The following IFT88 variants were observed in gnomAD, a reference collection of about 807,000 sequenced individuals.
IFT88 encodes the protein intraflagellar transport 88, also known as intraflagellar transport protein 88 homolog.
A neutral mutation model predicts 119.5 loss-of-function variants in IFT88; 74 were observed. That is an observed-to-expected ratio of 0.62 (90% CI 0.51 to 0.75). IFT88 has a LOEUF of 0.75. IFT88 is among the 30% of genes least tolerant of loss of function. The pLI is 0.00. For missense variants in IFT88, 961 were observed against 977.7 expected, an observed-to-expected ratio of 0.98 and a Z score of 0.23; for synonymous variants, 279 against 316.7, an observed-to-expected ratio of 0.88 and a Z score of 1.26.
rs757330394 is a variant in IFT88, at chr13:20,641,273, TTTC to T, written c.1574-11_1574-9del. On this transcript the variant is annotated splice_polypyrimidine_tract_variant and intron_variant, in intron 17 of 25. Coordinates refer to ENST00000351808, the MANE Select transcript of IFT88 (RefSeq NM_006531.5). ...AATGATACTTATAGATTTTCTTTTT[TTTC>T]TTCTTTTTTTAAGGCCTTACCTATG... The T allele has an allele frequency of 2.5e-5, 37 of 1,463,674 alleles. No individual in the cohort carries two copies. The Middle Eastern group carries it at 1.4e-3, about 55-fold the overall frequency. The allele number at this position is 1,463,674 out of a possible 1,614,324, so 90.7% of individuals were successfully genotyped here. A position where few individuals can be genotyped will look rare whatever the true frequency, so the allele number is the denominator to read the frequency against.
At chr13:20,572,380 G>A (rs561422031) in intron 1 of IFT88, among the ~76,000 whole-genome samples, 59 of 152,044 alleles carry the variant, frequency 3.9e-4, no homozygotes, top group Admixed American at 1.9e-3. Context: ...CACCATGCCC[G>A]GCTAGTTTTT....
intron 16 of IFT88, among the ~76,000 whole-genome samples, chr13:20,632,512 T>G (rs914148350): frequency 6.6e-6 from 1 of 152,174 alleles, no homozygotes; most frequent in Non-Finnish European, 1.5e-5. Flanking sequence ...TTTGCTTACG[T>G]TTTGCTCAGA....
At chr13:20,578,691 A>G (rs2037957751) in intron 2 of IFT88, among the ~76,000 whole-genome samples, 2 of 152,150 alleles carry the variant, frequency 1.3e-5, no homozygotes, top group South Asian at 4.1e-4. Context: ...CTGGGATTAC[A>G]GGCATGTGCC....
At chr13:20,595,651 G>A (rs1332673895) in intron 7 of IFT88, among the ~76,000 whole-genome samples, 7 of 152,104 alleles carry the variant, frequency 4.6e-5, no homozygotes, top group Admixed American at 4.6e-4. Flanking sequence ...TGATGTAGTT[G>A]TTAAAAACAG....
Position 20,663,529 on chromosome 13 carries a change from T to C in IFT88, c.2100T>C (p.Asp700=). 4.3e-6 allele frequency: 7 copies of C among 1,613,998 alleles called. No individual in the cohort carries two copies. Among genetic ancestry groups the C allele is most frequent in the Non-Finnish European group, 5.9e-6 (7 of 1,179,972 alleles). Residue 700 remains aspartate (D), a synonymous_variant, in exon 23 of 26, where the codon GAT becomes GAC. Transcript: ENST00000351808. ...CLRFLVRLCT[D]LGLKDAQEYA... ...GTTTCTTAGTTCGTCTCTGCACAGA[T>C]CTTGGATTAAAAGATGCTCAAGAAT...
At position 20,606,524 on chromosome 13, in the gene IFT88, C is replaced by T. The variant is rs533344845; in HGVS notation, c.1112+1419C>T. Among the ~76,000 whole-genome samples the T allele has an allele frequency of 1.4e-4, 21 of 152,254 alleles. No homozygotes were observed. In the South Asian group the frequency reaches 2.9e-3, roughly 21 times the overall value. On this transcript the variant is annotated intron_variant, in intron 13 of 25. Transcript: ENST00000351808. ...TCTGCTGGAGTGGTATCCAGAAAGCCAGCTAAAACGATACTTAAAATCCAG... is the reference window on the plus strand; with the variant it reads ...TCTGCTGGAGTGGTATCCAGAAAGCTAGCTAAAACGATACTTAAAATCCAG...
chr13:20,656,983 C>G (rs1401960623), intron 22 of IFT88, among the ~76,000 whole-genome samples: 1 of 152,118 alleles, frequency 6.6e-6, no homozygotes, highest in African/African-American at 2.4e-5. Flanking sequence ...CTCAGCCTCC[C>G]TAGTAGCTGG....
intron 15 of IFT88, among the ~76,000 whole-genome samples, chr13:20,626,221 T>C (rs1028435683): frequency 6.6e-6 from 1 of 151,698 alleles, no homozygotes; most frequent in Non-Finnish European, 1.5e-5. Flanking sequence ...CCACCATGCC[T>C]GGATAATTTT....
intron 1 of IFT88, among the ~76,000 whole-genome samples, chr13:20,569,863 CTAAAAA>C (rs543159590): frequency 1.2e-3 from 184 of 151,274 alleles, no homozygotes; most frequent in Non-Finnish European, 2.0e-3. Flanking sequence ...CCCATCTCTA[CTAAAAA>C]TAAAAATAAA....
chr13:20,683,279 G>A (rs2141209961), intron 24 of IFT88, among the ~76,000 whole-genome samples: 1 of 152,260 alleles, frequency 6.6e-6, no homozygotes, highest in African/African-American at 2.4e-5. Flanking sequence ...CATCAAAAAT[G>A]ATCTAAACCC....
At chr13:20,685,562 A>G (rs1245566515) in intron 24 of IFT88, among the ~76,000 whole-genome samples, 1 of 152,224 alleles carries the variant, frequency 6.6e-6, no homozygotes, top group Non-Finnish European at 1.5e-5. Context: ...GGAAATATTC[A>G]TCAAGCCCTT....
chr13:20,648,197 A>T (rs1362862267), intron 20 of IFT88, among the ~76,000 whole-genome samples: 1 of 152,162 alleles, frequency 6.6e-6, no homozygotes, highest in South Asian at 2.1e-4. Flanking sequence ...GGAGTTCAAG[A>T]CCAGCCTGTC....
At chr13:20,664,802 G>C (rs1233654410) in intron 23 of IFT88, among the ~76,000 whole-genome samples, 1 of 152,160 alleles carries the variant, frequency 6.6e-6, no homozygotes. Flanking sequence ...AATAGAGACT[G>C]GGCACGGTGG....
chr13:20,684,939 A>G (rs2057737406), intron 24 of IFT88, among the ~76,000 whole-genome samples: 1 of 152,346 alleles, frequency 6.6e-6, no homozygotes, highest in African/African-American at 2.4e-5. Context: ...GGAGACCCTA[A>G]CCCAGCAGCA....
Position 20,591,040 on chromosome 13 carries a change from G to A in IFT88, c.264+20G>A, listed in dbSNP as rs1159117500. Reference sequence around the variant, plus strand: ...ATTCAGGTATCTCTATTGGATGCATGTTCATTTTGTGCCTTTCTTGTGACT... The same window carrying A: ...ATTCAGGTATCTCTATTGGATGCATATTCATTTTGTGCCTTTCTTGTGACT... On this transcript the variant is annotated intron_variant, in intron 5 of 25. Coordinates refer to ENST00000351808, the MANE Select transcript of IFT88 (RefSeq NM_006531.5). 2 of 1,573,982 alleles carry A rather than the reference G, an allele frequency of 1.3e-6. No homozygotes were observed. Among genetic ancestry groups the A allele is most frequent in the Admixed American group, 1.8e-5 (1 of 56,644 alleles).
intron 24 of IFT88, among the ~76,000 whole-genome samples, chr13:20,690,426 C>G (rs17056106): frequency 0.012 from 1,790 of 152,238 alleles, 40 homozygotes; most frequent in East Asian, 0.066. Flanking sequence ...CTCTTACTTT[C>G]TCTTAAGTTC....
chr13:20,595,863 A>C (rs189402544), intron 7 of IFT88, among the ~76,000 whole-genome samples: 79 of 151,992 alleles, frequency 5.2e-4, no homozygotes, highest in African/African-American at 1.8e-3. Flanking sequence ...GGGCAAGATG[A>C]GGAGACTCTG....
At chr13:20,689,917 A>G (rs1227719497) in intron 24 of IFT88, among the ~76,000 whole-genome samples, 3 of 152,230 alleles carry the variant, frequency 2.0e-5, no homozygotes, top group African/African-American at 7.2e-5. Flanking sequence ...AAAATATACT[A>G]AAGTGTGTAG....
Position 20,614,635 on chromosome 13 carries a change from T to A in IFT88, c.1113-1158T>A, listed in dbSNP as rs372170789. On this transcript the variant is annotated intron_variant, in intron 13 of 25. Coordinates refer to ENST00000351808, the MANE Select transcript of IFT88 (RefSeq NM_006531.5). ...GGAATATTCTGTTTCTTGACTGTTA[T>A]CAATGACAGTAATCTGGTTGTGATA... 2.4e-3 allele frequency among the ~76,000 whole-genome samples: 358 copies of A among 152,240 alleles called. 2 individuals are homozygous for A. The highest frequency in any genetic ancestry group is 0.017 in the South Asian group (83 of 4,822).
Sources: gnomAD v4.1 joint callset for allele counts (sites outside exome capture counted in the v4.1 genomes callset) on GRCh38, gnomAD v4.1.1 for gene constraint, MANE v1.5 for transcripts, NCBI Gene and HGNC (gene_info 2026-07-23, HGNC 2026-07-21) for gene names.